The following SPAG16 variants were observed in gnomAD, a reference collection of about 807,000 sequenced individuals.
SPAG16 encodes sperm associated antigen 16, also known as sperm-associated antigen 16 protein.
SPAG16 carries 86 observed loss-of-function variants against 80.4 expected under a neutral mutation model. The ratio of observed to expected loss-of-function variants is 1.07; its 90% CI spans 0.90 to 1.28. The LOEUF (loss-of-function observed/expected upper bound fraction) is 1.28, where lower values mean the gene tolerates loss of function less well. Among genes scored for constraint, SPAG16 ranks in the 50% most tolerant of loss-of-function variants. The probability of loss-of-function intolerance (pLI) is 0.00; values close to 1 mark genes in which losing one functional copy is unlikely to be tolerated. For synonymous variants in SPAG16, 294 were observed against 265.9 expected (o/e 1.11, Z -1.03); for missense variants, 870 against 765.3 (o/e 1.14, Z -1.61).
intron 10 of SPAG16, among the ~76,000 whole-genome samples, chr2:213,812,457 G>A (rs1302502247): frequency 6.6e-6 from 1 of 152,154 alleles, no homozygotes; most frequent in African/African-American, 2.4e-5. Context: ...AATCTAATAG[G>A]TTATTACAAC....
At chr2:213,378,408 T>G (rs2067001428) in intron 9 of SPAG16, among the ~76,000 whole-genome samples, 1 of 152,154 alleles carries the variant, frequency 6.6e-6, no homozygotes, top group African/African-American at 2.4e-5. Flanking sequence ...AAGACAATAA[T>G]AAGGTCATAA....
chr2:214,114,739 AT>A (rs2053849369), intron 14 of SPAG16, among the ~76,000 whole-genome samples: 1 of 152,196 alleles, frequency 6.6e-6, no homozygotes, highest in Admixed American at 6.5e-5. Context: ...GGAAAGGGAA[AT>A]CCCCCAAACC....
intron 15 of SPAG16, among the ~76,000 whole-genome samples, chr2:214,296,896 G>C (rs1457860717): frequency 6.6e-6 from 1 of 152,118 alleles, no homozygotes. Flanking sequence ...GTTTACACGA[G>C]ATTGTTTAAA....
intron 10 of SPAG16, among the ~76,000 whole-genome samples, chr2:213,762,611 C>A (rs2068724111): frequency 6.6e-6 from 1 of 152,044 alleles, no homozygotes; most frequent in African/African-American, 2.4e-5. Flanking sequence ...AAATTGAACC[C>A]TTACCTTGCA....
rs375461872 is a variant in SPAG16, at chr2:213,424,847, C to A, written c.942+49728C>A. Among the ~76,000 whole-genome samples, 7 of 152,232 alleles carry A rather than the reference C, an allele frequency of 4.6e-5. No individual in the cohort carries two copies. In the South Asian group the frequency reaches 1.5e-3, roughly 32 times the overall value. On this transcript the variant is annotated intron_variant, in intron 9 of 15. Transcript: ENST00000331683. ...TAGGCTCTGGGCTTAGGAATAAAAC[C>A]TCTACTGAGCTGGGAACCCAGCCAC...
chr2:213,554,722 A>G (rs2059372098), intron 10 of SPAG16, among the ~76,000 whole-genome samples: 1 of 152,026 alleles, frequency 6.6e-6, no homozygotes, highest in African/African-American at 2.4e-5. Flanking sequence ...TGCAATGGAA[A>G]GTGTCAAAGC....
At chr2:214,014,219 A>G in intron 13 of SPAG16, 142 bp downstream of exon 13, 2 of 1,053,256 alleles carry the variant, frequency 1.9e-6, no homozygotes, top group East Asian at 5.0e-5. Context: ...CATAATTACA[A>G]GATCCTTTCT....
At chr2:214,040,061 A>G (rs942275959) in intron 13 of SPAG16, among the ~76,000 whole-genome samples, 1 of 152,156 alleles carries the variant, frequency 6.6e-6, no homozygotes, top group Non-Finnish European at 1.5e-5. Context: ...CAGACATGGA[A>G]AAAACCTGAA....
At chr2:213,933,846 G>A (rs1473040305) in intron 12 of SPAG16, among the ~76,000 whole-genome samples, 2 of 152,196 alleles carry the variant, frequency 1.3e-5, no homozygotes, top group African/African-American at 2.4e-5. Context: ...TGCGTTGCCT[G>A]GAAGCAACTA....
rs1249730424 is a variant in SPAG16, at chr2:213,964,645, C to A, written c.1400+34500C>A. ...GATAAGTCTGCTCTTTTGCTACTTACAAGATTTTCTCTCTTAATTAATCTA... is the reference window on the plus strand; with the variant it reads ...GATAAGTCTGCTCTTTTGCTACTTAAAAGATTTTCTCTCTTAATTAATCTA... On this transcript the variant is annotated intron_variant, in intron 12 of 15. Transcript: ENST00000331683. 3.3e-5 allele frequency among the ~76,000 whole-genome samples: 5 copies of A among 152,050 alleles called. No individual in the cohort carries two copies. In the East Asian group the frequency reaches 5.8e-4, roughly 18 times the overall value.
intron 5 of SPAG16, among the ~76,000 whole-genome samples, chr2:213,328,250 C>T (rs7579697): frequency 0.074 from 11,235 of 151,968 alleles, 1,364 homozygotes; most frequent in African/African-American, 0.25. Flanking sequence ...TTTGATAGCC[C>T]GCTCAGGATA....
chr2:213,626,983 A>C (rs1273222595), intron 10 of SPAG16, among the ~76,000 whole-genome samples: 1 of 152,114 alleles, frequency 6.6e-6, no homozygotes, highest in Non-Finnish European at 1.5e-5. Context: ...TACTATAGAC[A>C]AAAGCACACA....
At chr2:213,437,418 G>A (rs2070708734) in intron 9 of SPAG16, among the ~76,000 whole-genome samples, 1 of 152,098 alleles carries the variant, frequency 6.6e-6, no homozygotes, top group African/African-American at 2.4e-5. Flanking sequence ...CATTTAGTCA[G>A]GTGCTTAGCA....
chr2:213,866,265 T>C (rs887349164), intron 11 of SPAG16, among the ~76,000 whole-genome samples: 12 of 152,052 alleles, frequency 7.9e-5, no homozygotes, highest in African/African-American at 2.4e-4. Flanking sequence ...ATTTTAAACC[T>C]AACGGATACA....
chr2:214,182,178 A>C (rs1369052055), intron 15 of SPAG16, among the ~76,000 whole-genome samples: 1 of 151,696 alleles, frequency 6.6e-6, no homozygotes, highest in Non-Finnish European at 1.5e-5. Context: ...ATATATAACA[A>C]AAGAAGGGAA....
At chr2:214,378,749 A>G (rs1472946956) in intron 15 of SPAG16, among the ~76,000 whole-genome samples, 2 of 152,256 alleles carry the variant, frequency 1.3e-5, no homozygotes, top group Non-Finnish European at 2.9e-5. Flanking sequence ...AGAATGTCAC[A>G]GAATCCTGTG....
Position 214,337,432 on chromosome 2 carries a change from A to G in SPAG16, c.1721-72708A>G, listed in dbSNP as rs542298303. Among the ~76,000 whole-genome samples, 3 of 152,346 alleles carry G rather than the reference A, an allele frequency of 2.0e-5. No individual in the cohort carries two copies. In the South Asian group the frequency reaches 6.2e-4, roughly 32 times the overall value. On this transcript the variant is annotated intron_variant, in intron 15 of 15. Transcript: ENST00000331683. ...GTTTCATTATTTTCTTGCAGATATC[A>G]GGGATGTAGATGGCTGTTTCTGAAT...
At chr2:214,351,518 G>A (rs566482455) in intron 15 of SPAG16, among the ~76,000 whole-genome samples, 4 of 138,678 alleles carry the variant, frequency 2.9e-5, no homozygotes, top group South Asian at 2.7e-4. Context: ...TGGCTAACAC[G>A]GTGAAACCCC....
chr2:214,118,983 T>C (rs1039205091), intron 14 of SPAG16, among the ~76,000 whole-genome samples: 1 of 152,164 alleles, frequency 6.6e-6, no homozygotes, highest in South Asian at 2.1e-4. Context: ...CAAATATTCT[T>C]ACCATAAAGA....
Sources: allele counts gnomAD v4.1 joint callset (sites outside exome capture counted in the v4.1 genomes callset), GRCh38; gene constraint gnomAD v4.1.1; transcripts MANE v1.5; gene names NCBI Gene and HGNC (gene_info 2026-07-23, HGNC 2026-07-21).